PCGF3: variants seen among roughly 807,000 people sequenced by gnomAD.
PCGF3 encodes polycomb group RING finger protein 3.
Under a neutral mutation model 33.1 loss-of-function variants are expected in PCGF3, and 7 were observed. That is an observed-to-expected ratio of 0.21 (90% CI 0.12 to 0.40). The LOEUF (loss-of-function observed/expected upper bound fraction) is 0.40. Ranked by LOEUF, PCGF3 falls within the 10% of genes least tolerant of loss-of-function variation. The pLI, the probability that PCGF3 is intolerant of heterozygous loss-of-function variation, is 1.00. For missense variants in PCGF3, 211 were observed against 313.3 expected (o/e 0.67, Z 2.46); for synonymous variants, 153 against 121.3 (o/e 1.26, Z -1.72).
rs893747550 is a variant in PCGF3, at chr4:720,699, G to A, written c.-189-9931G>A. 1.3e-5 allele frequency among the ~76,000 whole-genome samples: 2 copies of A among 149,894 alleles called. No homozygotes were observed. Among genetic ancestry groups the A allele is most frequent in the Admixed American group, 6.6e-5 (1 of 15,066 alleles). On this transcript the variant is annotated intron_variant, in intron 1 of 10. Coordinates refer to ENST00000362003, the Ensembl canonical transcript of PCGF3. The surrounding 1 kb of genome is among the most constrained non-coding windows in gnomAD (Gnocchi z 5.6). ...CCGGGGTGGACGGGCGGTGACGTGC[G>A]TGTGGACCCGGCGTGGACGGGCGGT...
At chr4:750,350 C>T (rs1414414605) in intron 8 of PCGF3, among the ~76,000 whole-genome samples, 1 of 152,164 alleles carries the variant, frequency 6.6e-6, no homozygotes, top group Non-Finnish European at 1.5e-5. Flanking sequence ...GGATCTCTGC[C>T]TTGGGGGATT....
At chr4:715,301 G>T (rs368884431) in intron 1 of PCGF3, among the ~76,000 whole-genome samples, 1 of 139,738 alleles carries the variant, frequency 7.2e-6, no homozygotes, top group Non-Finnish European at 1.5e-5. Context: ...ACTGGGAGTC[G>T]GTGCTGGGAC....
At chr4:768,964 A>C (rs1450678028) in exon 11 of PCGF3, 1 of 152,680 alleles carries the variant, frequency 6.5e-6, no homozygotes, top group Non-Finnish European at 1.5e-5. Flanking sequence ...GCTAAATTGA[A>C]AGGGAACATA....
At chr4:753,971 A>G (rs937906380) in intron 8 of PCGF3, among the ~76,000 whole-genome samples, 3 of 152,192 alleles carry the variant, frequency 2.0e-5, no homozygotes, top group Admixed American at 1.3e-4. Flanking sequence ...TGGAGCGAGC[A>G]GCTGCCCAGT....
rs149586815 is a variant in PCGF3 at position 750,256 on chromosome 4, C to T, written c.462+5568C>T. Among the ~76,000 whole-genome samples the T allele has an allele frequency of 2.2e-4, 33 of 152,358 alleles. No homozygotes were observed. The East Asian group carries it at 6.2e-3, about 29-fold the overall frequency. ...TTTAATCGAGAAGTTTGTTCTGAAA[C>T]ATTTGAGTAACGTGGCCTTTTTGGG... On this transcript the variant is annotated intron_variant, in intron 8 of 10. Transcript: ENST00000362003.
Position 706,848 on chromosome 4 carries a change from G to A in PCGF3, c.-190+878G>A, listed in dbSNP as rs1486774566. ...GAGGGCAGGGACCCCAGACCAGGCA[G>A]GACCCTGGGAAGGTCGCGACCCCAG... is the stretch of plus-strand genomic sequence containing the variant. On this transcript the variant is annotated intron_variant, in intron 1 of 10. Coordinates refer to ENST00000362003, the Ensembl canonical transcript of PCGF3. 4.6e-5 allele frequency among the ~76,000 whole-genome samples: 6 copies of A among 130,996 alleles called. No homozygotes were observed. In the South Asian group the frequency reaches 1.5e-3, roughly 32 times the overall value. 85.9% of individuals were successfully genotyped at this position (130,996 alleles called of 152,430 possible).
chr4:712,427 G>C (rs1349425208), intron 1 of PCGF3, among the ~76,000 whole-genome samples: 1 of 152,086 alleles, frequency 6.6e-6, no homozygotes, highest in Non-Finnish European at 1.5e-5. Flanking sequence ...ATTCGTGTTT[G>C]TTTGTTTGTT....
At chr4:708,883 C>A (rs1346195915) in intron 1 of PCGF3, among the ~76,000 whole-genome samples, 1 of 152,188 alleles carries the variant, frequency 6.6e-6, no homozygotes, top group East Asian at 1.9e-4. Flanking sequence ...TTTCCCACTC[C>A]CTCTCTAGTA....
intron 1 of PCGF3, among the ~76,000 whole-genome samples, chr4:713,724 A>G (rs528964342): frequency 6.6e-6 from 1 of 152,136 alleles, no homozygotes; most frequent in Non-Finnish European, 1.5e-5. Flanking sequence ...TGCTGTGTGG[A>G]GCTGTTCTGA....
intron 1 of PCGF3, chr4:723,489 AC>A: frequency 6.2e-6 from 1 of 161,234 alleles, no homozygotes; most frequent in South Asian, 1.7e-4. Context: ...TGGGCTTGGC[AC>A]CCCCGGGAAG....
intron 8 of PCGF3, among the ~76,000 whole-genome samples, chr4:750,399 A>G (rs1206721082): frequency 3.3e-5 from 5 of 152,058 alleles, no homozygotes; most frequent in African/African-American, 9.7e-5. Context: ...CAGATTTTCC[A>G]GGGGTCCTGG....
intron 8 of PCGF3, chr4:757,472 C>T (rs73222803): frequency 0.051 from 7,791 of 152,348 alleles, 285 homozygotes; most frequent in East Asian, 0.12. Context: ...TGGGGGGCTT[C>T]TTCCTCATTA....
At chr4:743,872 G>C (rs963724800) in intron 7 of PCGF3, 9 of 296,526 alleles carry the variant, frequency 3.0e-5, no homozygotes, top group Non-Finnish European at 5.7e-5. Flanking sequence ...AGTAGTGGAA[G>C]GTGAACTTCC....
At chr4:736,420 C>G (rs1743822593) in intron 5 of PCGF3, among the ~76,000 whole-genome samples, 1 of 152,228 alleles carries the variant, frequency 6.6e-6, no homozygotes, top group South Asian at 2.1e-4. Flanking sequence ...CCCACAAAGA[C>G]CAGGAGACCC....
intron 1 of PCGF3, among the ~76,000 whole-genome samples, chr4:707,558 G>A (rs1240981645): frequency 1.2e-4 from 14 of 112,634 alleles, no homozygotes; most frequent in East Asian, 6.1e-4. Context: ...CCTGGGGGTC[G>A]GGACCCTGGG....
chr4:758,164 TCA>T (rs1491570458), intron 8 of PCGF3, among the ~76,000 whole-genome samples: 1 of 42,618 alleles, frequency 2.3e-5, no homozygotes, highest in Non-Finnish European at 3.6e-5. Flanking sequence ...AGACTCTGTC[TCA>T]AAAAAAAAAA....
At chr4:744,369 C>G (rs981158922) in intron 7 of PCGF3, among the ~76,000 whole-genome samples, 1 of 152,248 alleles carries the variant, frequency 6.6e-6, no homozygotes, top group African/African-American at 2.4e-5. Flanking sequence ...CCGTCTCTGT[C>G]TCCTGTGCTC....
chr4:739,839 G>A (rs892881925), intron 6 of PCGF3, among the ~76,000 whole-genome samples: 6 of 152,232 alleles, frequency 3.9e-5, no homozygotes, highest in Admixed American at 3.9e-4. Flanking sequence ...CGTTGAAGAA[G>A]TCGAGAGGCA....
At chr4:737,906 ATAGCGGGTAGC>A (rs1232209608) in intron 6 of PCGF3, among the ~76,000 whole-genome samples, 2 of 152,246 alleles carry the variant, frequency 1.3e-5, no homozygotes, top group African/African-American at 4.8e-5. Flanking sequence ...GCACGTTGGC[ATAGCGGGTAGC>A]TGGTGTTTCT....
Sources: gnomAD v4.1 joint callset for allele counts (sites outside exome capture counted in the v4.1 genomes callset) on GRCh38, gnomAD v4.1.1 for gene constraint, Gnocchi (gnomAD v3.1) non-coding constraint, MANE v1.5 for transcripts, NCBI Gene and HGNC (gene_info 2026-07-23, HGNC 2026-07-21) for gene names.